PDZD2: variants seen among roughly 807,000 people sequenced by gnomAD.
PDZD2 encodes PDZ domain containing 2.
In PDZD2, 90 loss-of-function variants were observed where a neutral mutation model predicts 220.7. The observed-to-expected ratio is 0.41, with a 90% CI of 0.34 to 0.49. PDZD2 has a LOEUF of 0.49. Among genes scored for constraint, PDZD2 ranks in the 20% least tolerant of loss-of-function variants. PDZD2 has a pLI of 0.28. For synonymous variants in PDZD2, 1,375 were observed against 1,450.5 expected (o/e 0.95, Z 1.18); for missense variants, 3,174 against 3,608.5 (o/e 0.88, Z 3.08).
Position 31,830,366 on chromosome 5 carries a change from C to T in PDZD2, c.476+30642C>T, listed in dbSNP as rs191542220. ...TTTTTTTTTGTATTTTTAGTAGAGA[C>T]GGGGTTTCACCGTGTTAGCCAGGAT... On this transcript the variant is annotated intron_variant, in intron 2 of 24. Transcript: ENST00000438447. Among the ~76,000 whole-genome samples, 1,102 of 140,446 alleles carry T rather than the reference C, an allele frequency of 7.8e-3. 12 individuals are homozygous for T. Among genetic ancestry groups the T allele is most frequent in the Non-Finnish European group, 1.0e-2 (659 of 66,030 alleles). 92.1% of individuals were successfully genotyped at this position (140,446 alleles called of 152,430 possible).
chr5:32,071,835 A>G (rs1216476702), intron 16 of PDZD2, among the ~76,000 whole-genome samples: 2 of 152,172 alleles, frequency 1.3e-5, no homozygotes. Context: ...GTTGGCTTGA[A>G]TCACATTTGT....
At chr5:31,855,933 C>T (rs923631745) in intron 2 of PDZD2, among the ~76,000 whole-genome samples, 2 of 152,028 alleles carry the variant, frequency 1.3e-5, no homozygotes, top group African/African-American at 2.4e-5. Flanking sequence ...GGAAAGAAGG[C>T]GGTAACTACA....
intron 2 of PDZD2, among the ~76,000 whole-genome samples, chr5:31,897,246 T>C (rs1345364925): frequency 3.3e-5 from 5 of 152,226 alleles, no homozygotes; most frequent in African/African-American, 1.2e-4. Flanking sequence ...CAGGAGTATG[T>C]CAGGCTGATG....
chr5:31,799,732 G>C lies in PDZD2; in HGVS notation c.476+8G>C. 2.5e-6 allele frequency: 4 copies of C among 1,582,154 alleles called. No individual in the cohort carries two copies. Among genetic ancestry groups the C allele is most frequent in the Non-Finnish European group, 3.5e-6 (4 of 1,151,354 alleles). On this transcript the variant is annotated splice_region_variant and intron_variant, in intron 2 of 24. Coordinates refer to ENST00000438447, the MANE Select transcript of PDZD2 (RefSeq NM_178140.4). ...TGATGTCAGTGGGGCCAGGTAAGTA[G>C]GGGGAATGCCTGCTGGCACAGGGGC...
At chr5:31,738,845 T>C (rs1750064457) in intron 1 of PDZD2, among the ~76,000 whole-genome samples, 1 of 152,026 alleles carries the variant, frequency 6.6e-6, no homozygotes, top group Admixed American at 6.6e-5. Flanking sequence ...TTTCTGAAGT[T>C]AAGGAAGACT....
At chr5:31,889,626 C>G (rs1740827075) in intron 2 of PDZD2, among the ~76,000 whole-genome samples, 1 of 152,188 alleles carries the variant, frequency 6.6e-6, no homozygotes, top group African/African-American at 2.4e-5. Context: ...CCTTTACTCG[C>G]CAACACTTGC....
At chr5:31,866,490 C>T (rs757253552) in intron 2 of PDZD2, among the ~76,000 whole-genome samples, 5 of 152,074 alleles carry the variant, frequency 3.3e-5, no homozygotes, top group Non-Finnish European at 7.4e-5. Flanking sequence ...GTGGTGATGG[C>T]GTCTGGGAGG....
intron 2 of PDZD2, among the ~76,000 whole-genome samples, chr5:31,887,815 T>C (rs977804200): frequency 3.4e-5 from 5 of 145,968 alleles, no homozygotes; most frequent in Non-Finnish European, 7.5e-5. Flanking sequence ...ATCAGTTTTA[T>C]GTGCGGGGGA....
chr5:31,889,157 G>A, intron 2 of PDZD2, among the ~76,000 whole-genome samples: 1 of 152,180 alleles, frequency 6.6e-6, no homozygotes, highest in East Asian at 1.9e-4. Context: ...CGTTTGGAAG[G>A]CCACCCAGCC....
intron 2 of PDZD2, among the ~76,000 whole-genome samples, chr5:31,888,953 CT>C (rs1351058637): frequency 6.6e-6 from 1 of 152,092 alleles, no homozygotes; most frequent in Non-Finnish European, 1.5e-5. Context: ...CCAGGAGAAA[CT>C]TTAGACCAAC....
chr5:32,086,969 A>C (rs963007987), intron 19 of PDZD2, among the ~76,000 whole-genome samples, 162 bp from the exon 20 acceptor site: 3 of 150,924 alleles, frequency 2.0e-5, no homozygotes, highest in Non-Finnish European at 4.4e-5. Context: ...GATTACAAGC[A>C]TGCGCCACCA....
intron 1 of PDZD2, among the ~76,000 whole-genome samples, chr5:31,761,860 CAAA>C (rs112422855): frequency 7.9e-6 from 1 of 126,602 alleles, no homozygotes; most frequent in Non-Finnish European, 1.7e-5. Flanking sequence ...AACTACATCT[CAAA>C]AAAAAAAAAA....
chr5:32,092,920 C>A lies in PDZD2; in HGVS notation c.7741C>A (p.Leu2581Ile). The change falls in exon 21 of 25, where the codon CTA (leucine) becomes ATA (isoleucine). Residue 2581 changes from leucine (L) to isoleucine (I), a missense_variant. This residue lies in a region of PDZD2 where 631 missense variants were observed against 789.9 expected (regional missense o/e 0.80). Transcript: ENST00000438447. Reference sequence around the variant, plus strand: ...TATATTATTTAGTTTGGATCAACTTCTAGTCTCAGCGGGGGACCAGCAAAG... The same window carrying A: ...TATATTATTTAGTTTGGATCAACTTATAGTCTCAGCGGGGGACCAGCAAAG... The part of the protein sequence containing the change: ...RSWSVNLDQL[L>I]VSAGDQQRLQ... 6.4e-7 allele frequency: 1 copy of A among 1,564,694 alleles called. No homozygotes were observed. The highest frequency in any genetic ancestry group is 1.1e-5 in the South Asian group (1 of 89,524).
rs530748077 is a variant in PDZD2, at chr5:31,935,283, G to T, written c.477-47872G>T. ...GTTTTTGGAATCTTTGTCTCTGGCT[G>T]TTGGATCATGAAAGACCCCTTTGGC... On this transcript the variant is annotated intron_variant, in intron 2 of 24. Coordinates refer to ENST00000438447, the MANE Select transcript of PDZD2 (RefSeq NM_178140.4). 1.6e-4 allele frequency among the ~76,000 whole-genome samples: 24 copies of T among 152,262 alleles called. No homozygotes were observed. In the South Asian group the frequency reaches 5.0e-3, roughly 32 times the overall value.
chr5:31,982,967 A>G (rs1750415040), intron 2 of PDZD2, among the ~76,000 whole-genome samples, 188 bp from the exon 3 acceptor site: 1 of 152,112 alleles, frequency 6.6e-6, no homozygotes, highest in Admixed American at 6.6e-5. Flanking sequence ...GTTTGGGGGT[A>G]ATTGTTTGTA....
At position 32,091,091 on chromosome 5, in the gene PDZD2, C is replaced by G. The variant is rs1743106581; in HGVS notation, c.7643C>G (p.Thr2548Ser). 5.0e-6 allele frequency: 8 copies of G among 1,609,462 alleles called. No homozygotes were observed. The highest frequency in any genetic ancestry group is 6.8e-6 in the Non-Finnish European group (8 of 1,176,270). ...TGTCCAGGAGGAAGTGGCCCTAAAA[C>G]CAGTGCTGCTGAGACACCCAGTTCA... ...RACPGGSGPKTSAAETPSSAS... is the reference protein window; with the variant it reads ...RACPGGSGPKSSAAETPSSAS... Residue 2548 changes from threonine to serine, a missense_variant, in exon 20 of 25, where the codon ACC (threonine) becomes AGC (serine). By Grantham distance (58) the Thr-to-Ser change is moderately conservative. Transcript: ENST00000438447.
chr5:31,964,743 T>A (rs1561206878), intron 2 of PDZD2, among the ~76,000 whole-genome samples: 1 of 152,066 alleles, frequency 6.6e-6, no homozygotes. Flanking sequence ...TGAGGCGGAG[T>A]CTCGCTCTGT....
chr5:31,970,552 A>G lies in PDZD2; in HGVS notation c.477-12603A>G, dbSNP rs574260123. On this transcript the variant is annotated intron_variant, in intron 2 of 24. Transcript: ENST00000438447. ...GTGCCTATAATCCCAGCTACTCCAA[A>G]GGCTGAGGCAGGAGAATTGCTTGAA... Among the ~76,000 whole-genome samples, 3 of 152,160 alleles carry G rather than the reference A, an allele frequency of 2.0e-5. No homozygotes were observed. The East Asian group carries it at 5.8e-4, about 29-fold the overall frequency.
rs1425583239 is a variant in PDZD2, at chr5:31,822,647, C to T, written c.476+22923C>T. On this transcript the variant is annotated intron_variant, in intron 2 of 24. Transcript: ENST00000438447. ...GATATCCTTGTTTTTAACCTTGTGG[C>T]TTGCTGAATCAAAGCCACTGAATTT... 6.7e-6 allele frequency: 9 copies of T among 1,335,040 alleles called. No homozygotes were observed. The East Asian group carries it at 2.5e-4, about 37-fold the overall frequency. 82.7% of individuals were successfully genotyped at this position (1,335,040 alleles called of 1,614,324 possible).
Sources: allele counts gnomAD v4.1 joint callset (sites outside exome capture counted in the v4.1 genomes callset), GRCh38; gene constraint gnomAD v4.1.1; regional missense constraint gnomAD v4.1.1; transcripts MANE v1.5; gene names NCBI Gene and HGNC (gene_info 2026-07-23, HGNC 2026-07-21).